Variants in GYS2 observed in about 807,000 individuals in gnomAD.
GYS2 encodes the protein glycogen [starch] synthase, liver.
Under a neutral mutation model 85.6 loss-of-function variants are expected in GYS2, and 80 were observed. That is an observed-to-expected ratio of 0.93 (90% CI 0.78 to 1.13). The LOEUF is 1.13. GYS2 is among the 50% of genes most tolerant of loss of function. GYS2 has a pLI of 0.00. For missense variants in GYS2, 881 were observed against 854.9 expected, an observed-to-expected ratio of 1.03 and a Z score of -0.38; for synonymous variants, 328 against 300.7, an observed-to-expected ratio of 1.09 and a Z score of -0.94.
intron 1 of GYS2, among the ~76,000 whole-genome samples, chr12:21,588,037 CA>C (rs1944593411): frequency 6.6e-6 from 1 of 152,182 alleles, no homozygotes; most frequent in South Asian, 2.1e-4. Flanking sequence ...TGAGAATACA[CA>C]AATAATCTGT....
At chr12:21,586,762 T>C (rs890726899) in intron 1 of GYS2, among the ~76,000 whole-genome samples, 1 of 152,178 alleles carries the variant, frequency 6.6e-6, no homozygotes. Flanking sequence ...GAAGACAGCA[T>C]GAAGATTTCT....
At chr12:21,553,787 C>G (rs926118147) in intron 11 of GYS2, among the ~76,000 whole-genome samples, 4 of 70,712 alleles carry the variant, frequency 5.7e-5, no homozygotes, top group African/African-American at 2.3e-4. Context: ...CCAATTTATA[C>G]ACACATATAA....
intron 1 of GYS2, among the ~76,000 whole-genome samples, chr12:21,599,526 G>A (rs1944732304): frequency 6.6e-6 from 1 of 152,174 alleles, no homozygotes; most frequent in Non-Finnish European, 1.5e-5. Context: ...GACATAGCAT[G>A]CTGAATGAAA....
At chr12:21,582,811 T>C (rs1944527835) in intron 1 of GYS2, among the ~76,000 whole-genome samples, 1 of 152,206 alleles carries the variant, frequency 6.6e-6, no homozygotes, top group Admixed American at 6.5e-5. Flanking sequence ...CTTCTTCTAA[T>C]GGTATGGAGA....
Position 21,546,433 on chromosome 12 carries a change from G to T in GYS2, c.1460C>A (p.Pro487His). 1 of 1,597,000 alleles carries T rather than the reference G, an allele frequency of 6.3e-7. No homozygotes were observed. The highest frequency in any genetic ancestry group is 8.6e-7 in the Non-Finnish European group (1 of 1,165,600). The change falls in exon 12 of 16, where the codon CCC (proline) becomes CAC (histidine). Residue 487 changes from proline to histidine, a missense_variant. By Grantham distance (77) the Pro-to-His change is moderately conservative. Transcript: ENST00000261195. ...LHPEFLSSTS[P>H]LLPMDYEEFV... ...CTCTTCATAGTCCATGGGTAGTAAG[G>T]GACTGGTGGAGGATAGAAACTCTGG... is the stretch of plus-strand genomic sequence containing the variant.
At chr12:21,561,124 T>G (rs1246044294) in intron 7 of GYS2, among the ~76,000 whole-genome samples, 2 of 152,190 alleles carry the variant, frequency 1.3e-5, no homozygotes, top group African/African-American at 2.4e-5. Flanking sequence ...GTGCTTTAAA[T>G]ATACTACTAA....
downstream of GYS2, chr12:21,532,757 C>T (rs965468443): frequency 6.6e-6 from 1 of 152,178 alleles, no homozygotes; most frequent in Non-Finnish European, 1.5e-5. Flanking sequence ...CTTTTAACAT[C>T]TATCTTATGA....
At chr12:21,533,692 T>G (rs1943885348), downstream of GYS2, among the ~76,000 whole-genome samples, 1 of 152,234 alleles carries the variant, frequency 6.6e-6, no homozygotes, top group African/African-American at 2.4e-5. Context: ...TTGTAACATT[T>G]ATGTTCTCAT....
downstream of GYS2, among the ~76,000 whole-genome samples, chr12:21,534,694 A>C (rs1943894818): frequency 6.6e-6 from 1 of 152,208 alleles, no homozygotes; most frequent in Admixed American, 6.5e-5. Context: ...ATCCCATTGT[A>C]AGTTGAGGAG....
At position 21,536,705 on chromosome 12, in the gene GYS2, C is replaced by T; in HGVS notation, c.*249G>A. 1 of 523,974 alleles carries T rather than the reference C, an allele frequency of 1.9e-6. No homozygotes were observed. Among genetic ancestry groups the T allele is most frequent in the Non-Finnish European group, 3.4e-6 (1 of 292,776 alleles). 32.5% of individuals were successfully genotyped at this position (523,974 alleles called of 1,614,324 possible). On this transcript the variant is annotated 3_prime_UTR_variant, in exon 16 of 16. Transcript: ENST00000261195. ...CACCATTTTAAAAACACTTTTCCGT[C>T]TTCTGCCTTTAATGAGTGCTCCTCC... is the stretch of plus-strand genomic sequence containing the variant.
intron 5 of GYS2, among the ~76,000 whole-genome samples, chr12:21,567,859 G>A (rs1488686575): frequency 1.3e-5 from 2 of 152,070 alleles, no homozygotes; most frequent in African/African-American, 4.8e-5. Context: ...TGGATCACGA[G>A]GTCAGGAGTT....
intron 1 of GYS2, among the ~76,000 whole-genome samples, chr12:21,594,795 C>T (rs1944677490): frequency 6.6e-6 from 1 of 152,068 alleles, no homozygotes; most frequent in South Asian, 2.1e-4. Flanking sequence ...CAAAGTCATC[C>T]TGTGAAAAAA....
intron 1 of GYS2, among the ~76,000 whole-genome samples, chr12:21,581,487 TC>T (rs1944508640): frequency 6.6e-6 from 1 of 152,118 alleles, no homozygotes; most frequent in Non-Finnish European, 1.5e-5. Context: ...AATTGCTCAC[TC>T]TGAGAGCTTG....
rs373914217 is a variant in GYS2, at chr12:21,574,211, G to C, written c.611C>G (p.Thr204Ser). 1.2e-6 allele frequency: 2 copies of C among 1,613,114 alleles called. No homozygotes were observed. Among genetic ancestry groups the C allele is most frequent in the South Asian group, 1.1e-5 (1 of 91,072 alleles). ...RKLPIATIFT[T>S]HATLLGRYLC... The stretch of plus-strand genomic sequence containing the variant: ...ATACCTCCCAAGTAGTGTAGCGTGG[G>C]TTGTAAATATTGTGGCAATAGGAAG... Residue 204 changes from threonine to serine, a missense_variant, in exon 4 of 16, where the codon ACC becomes AGC. By Grantham distance (58) the Thr-to-Ser change is moderately conservative (BLOSUM62 1). Coordinates refer to ENST00000261195, the MANE Select transcript of GYS2 (RefSeq NM_021957.4).
intron 4 of GYS2, among the ~76,000 whole-genome samples, chr12:21,569,638 C>T (rs1944363092): frequency 6.6e-6 from 1 of 152,174 alleles, no homozygotes; most frequent in Admixed American, 6.5e-5. Flanking sequence ...TAACTGGCAA[C>T]AGTGTGGGCT....
At chr12:21,546,493 T>TA (rs749879849) in intron 11 of GYS2, 23 bp from the exon 12 acceptor site, 489 of 1,525,302 alleles carry the variant, frequency 3.2e-4, no homozygotes, top group African/African-American at 1.1e-3. Context: ...AATTCTAATT[T>TA]AAAAAAAAAG....
intron 5 of GYS2, among the ~76,000 whole-genome samples, chr12:21,566,641 T>C (rs1009718879): frequency 5.3e-5 from 8 of 152,204 alleles, no homozygotes; most frequent in African/African-American, 1.9e-4. Context: ...ATCTTTACAA[T>C]GTACCAGGCA....
intron 1 of GYS2, among the ~76,000 whole-genome samples, chr12:21,600,691 G>T (rs984986214): frequency 6.6e-6 from 1 of 152,056 alleles, no homozygotes; most frequent in Non-Finnish European, 1.5e-5. Context: ...TCAGAGAAAA[G>T]TACTTCTATA....
At chr12:21,561,831 T>G (rs767125606) in intron 7 of GYS2, among the ~76,000 whole-genome samples, 10 of 152,306 alleles carry the variant, frequency 6.6e-5, no homozygotes, top group Non-Finnish European at 1.0e-4. Flanking sequence ...TTAACGTGGC[T>G]TTAGTAAATT....
Sources: allele counts gnomAD v4.1 joint callset (sites outside exome capture counted in the v4.1 genomes callset), GRCh38; gene constraint gnomAD v4.1.1; transcripts MANE v1.5; gene names NCBI Gene and HGNC (gene_info 2026-07-23, HGNC 2026-07-21).